Variants in METTL17 observed in about 807,000 individuals in gnomAD.
METTL17 encodes methyltransferase like 17, also known as ribosome assembly protein METTL17, mitochondrial.
METTL17 carries 49 observed loss-of-function variants against 59.4 expected under a neutral mutation model. The observed-to-expected ratio is 0.82, with a 90% CI of 0.66 to 1.05. The LOEUF (loss-of-function observed/expected upper bound fraction) is 1.05. METTL17 is among the 50% of genes least tolerant of loss of function. METTL17 has a pLI of 0.00. For synonymous variants in METTL17, 208 were observed against 209.2 expected (o/e 0.99, Z 0.05); for missense variants, 555 against 578.4 (o/e 0.96, Z 0.41).
At chr14:20,991,608 A>G (rs1205596242) in intron 3 of METTL17, 1 of 167,670 alleles carries the variant, frequency 6.0e-6, no homozygotes, top group Non-Finnish European at 1.3e-5. Flanking sequence ...TCAGCTCACC[A>G]CAACCTCTGC....
Position 20,994,039 on chromosome 14 carries a change from G to C in METTL17, c.673G>C (p.Val225Leu). 11 of 1,613,852 alleles carry C rather than the reference G, an allele frequency of 6.8e-6. No individual in the cohort carries two copies. The highest frequency in any genetic ancestry group is 8.5e-6 in the Non-Finnish European group (10 of 1,179,872). ...MCVDRSAAMLVLAEKLLKGGS... is the reference protein window; with the variant it reads ...MCVDRSAAMLLLAEKLLKGGS... The stretch of plus-strand genomic sequence containing the variant: ...TGTGGACAGATCAGCTGCCATGTTG[G>C]TTTTGGCAGAAAAACTACTGAAAGG... The change falls in exon 7 of 14, where the codon GTT becomes CTT. Residue 225 changes from valine to leucine, a missense_variant. By Grantham distance (32) the Val-to-Leu change is conservative. Transcript: ENST00000339374.
At chr14:20,995,030 G>T in intron 9 of METTL17, 129 bp downstream of exon 9, 1 of 1,135,528 alleles carries the variant, frequency 8.8e-7, no homozygotes, top group Admixed American at 1.9e-5. Flanking sequence ...CTCTTTGAGG[G>T]TCTCCATCCT....
At chr14:20,993,420 G>C (rs1880147890) in intron 6 of METTL17, 1 of 483,698 alleles carries the variant, frequency 2.1e-6, no homozygotes, top group African/African-American at 2.0e-5. Flanking sequence ...AAATTAAAAA[G>C]AAAAGGAATT....
chr14:20,995,265 C>T, intron 10 of METTL17, 32 bp downstream of exon 10: 1 of 1,556,612 alleles, frequency 6.4e-7, no homozygotes, highest in Admixed American at 1.7e-5. Flanking sequence ...CTCCCCCACC[C>T]ATATGGCACC....
Position 20,990,600 on chromosome 14 carries a change from T to C in METTL17, c.364+2T>C. 1.2e-6 allele frequency: 2 copies of C among 1,613,984 alleles called. No individual in the cohort carries two copies. Among genetic ancestry groups the C allele is most frequent in the Non-Finnish European group, 1.7e-6 (2 of 1,179,972 alleles). ...AGAAAAAATTCCTGGAAAACCCAGG[T>C]AGGACTTAAGAATAATTAAAAAGTG... On this transcript the variant is annotated splice_donor_variant, in intron 3 of 13. Coordinates refer to ENST00000339374, the MANE Select transcript of METTL17 (RefSeq NM_022734.3). LOFTEE classifies it high-confidence loss of function.
chr14:20,990,810 T>TTATG (rs1555321030), intron 3 of METTL17: 16,586 of 452,918 alleles, frequency 0.037, 511 homozygotes, highest in African/African-American at 0.11. Flanking sequence ...GTATACTGTT[T>TTATG]TTTGTTTGTT....
chr14:20,996,082 TG>T, intron 11 of METTL17, 126 bp from the exon 12 acceptor site: 1 of 1,269,598 alleles, frequency 7.9e-7, no homozygotes, highest in Non-Finnish European at 1.1e-6. Flanking sequence ...ATGATTCCCC[TG>T]GCTCTTCCTA....
rs776568711 is a variant in METTL17 at position 20,996,919 on chromosome 14, A to C, written c.*29A>C. The C allele has an allele frequency of 1.9e-6, 3 of 1,582,282 alleles. No individual in the cohort carries two copies. Among genetic ancestry groups the C allele is most frequent in the Non-Finnish European group, 2.6e-6 (3 of 1,163,106 alleles). Reference sequence around the variant, plus strand: ...GGATGTGTAACAAGTATTTTCTTCTATCGTGCCTGCCAGGGCTGAAGCTGC... The same window carrying C: ...GGATGTGTAACAAGTATTTTCTTCTCTCGTGCCTGCCAGGGCTGAAGCTGC... On this transcript the variant is annotated 3_prime_UTR_variant, in exon 14 of 14. Transcript: ENST00000339374.
chr14:20,992,028 G>C, intron 3 of METTL17, 96 bp from the exon 4 acceptor site: 1 of 1,097,830 alleles, frequency 9.1e-7, no homozygotes, highest in Non-Finnish European at 1.4e-6. Flanking sequence ...TTTCTTAGGT[G>C]GAGTCGGGGA....
rs1022070169 is a variant in METTL17, at chr14:20,992,883, C to T, written c.529-235C>T. 2.4e-5 allele frequency: 14 copies of T among 591,164 alleles called. 1 individual carries two copies. The highest frequency in any genetic ancestry group is 6.2e-5 in the Admixed American group (2 of 32,032). The allele number at this position is 591,164 out of a possible 1,614,324, so 36.6% of individuals were successfully genotyped here. A position where few individuals can be genotyped will look rare whatever the true frequency, so the allele number is the denominator to read the frequency against. ...GCCTGGTGACAGAGTGAGACCTCAT[C>T]TCTTAAAAAAAACACAAAATAAAGA... On this transcript the variant is annotated intron_variant, in intron 5 of 13. Transcript: ENST00000339374.
At position 20,994,424 on chromosome 14, in the gene METTL17, C is replaced by G. The variant is rs142107426; in HGVS notation, c.698-119C>G. ...GCACGCACCGCCATACCTGGCTCAT[C>G]CCTGCCCTTTTTGATATACACTTTA... On this transcript the variant is annotated intron_variant, in intron 7 of 13. Coordinates refer to ENST00000339374, the MANE Select transcript of METTL17 (RefSeq NM_022734.3). The G allele has an allele frequency of 2.6e-3, 2,238 of 875,962 alleles. 6 individuals are homozygous for G. The highest frequency in any genetic ancestry group is 3.3e-3 in the Middle Eastern group (10 of 3,048). The allele number at this position is 875,962 out of a possible 1,614,324, so 54.3% of individuals were successfully genotyped here. A position where few individuals can be genotyped will look rare whatever the true frequency, so the allele number is the denominator to read the frequency against.
intron 3 of METTL17, 74 bp downstream of exon 3, chr14:20,990,672 T>C: frequency 6.4e-7 from 1 of 1,560,916 alleles, no homozygotes; most frequent in Non-Finnish European, 8.7e-7. Context: ...GAAATAATTC[T>C]ACAATCTCTC....
chr14:20,995,821 C>T (rs1367529427), intron 10 of METTL17, 80 bp from the exon 11 acceptor site: 2 of 1,135,406 alleles, frequency 1.8e-6, no homozygotes, highest in African/African-American at 1.5e-5. Flanking sequence ...AAGGAGTCCT[C>T]AGTTTACTGA....
chr14:20,994,649 A>G (rs1308175346), intron 8 of METTL17, 36 bp downstream of exon 8: 2 of 1,596,810 alleles, frequency 1.3e-6, no homozygotes, highest in Non-Finnish European at 8.6e-7. Flanking sequence ...TAAATGTGGA[A>G]TGTGGCAGAT....
chr14:20,995,781 A>G (rs944237302), intron 10 of METTL17, 120 bp from the exon 11 acceptor site: 4 of 750,348 alleles, frequency 5.3e-6, no homozygotes, highest in Non-Finnish European at 9.2e-6. Flanking sequence ...TTCAAAGGAC[A>G]TAGTCAATCG....
Position 20,995,948 on chromosome 14 carries a change from C to G in METTL17, c.993C>G (p.Ala331=). 1 of 1,613,938 alleles carries G rather than the reference C, an allele frequency of 6.2e-7. No individual in the cohort carries two copies. The highest frequency in any genetic ancestry group is 8.5e-7 in the Non-Finnish European group (1 of 1,179,964). The change falls in exon 11 of 14, where the codon GCC becomes GCG. Residue 331 remains alanine, a synonymous_variant. Transcript: ENST00000339374. ...PLDPRPGFVF[A]PCPHELPCPQ... ...ACCCTCGACCTGGTTTTGTCTTTGC[C>G]CCGGTGAGTATTACTTCTGCCTGTC...
chr14:20,992,427 T>A, intron 4 of METTL17, 114 bp from the exon 5 acceptor site: 1 of 894,820 alleles, frequency 1.1e-6, no homozygotes, highest in Non-Finnish European at 1.8e-6. Flanking sequence ...TATTGGGGAG[T>A]GAAAGGCCTG....
Position 20,996,603 on chromosome 14 carries a change from C to T in METTL17, c.1157C>T (p.Pro386Leu). The change falls in exon 13 of 14, where the codon CCC (proline) becomes CTC (leucine). Residue 386 changes from proline (P) to leucine (L), a missense_variant. Coordinates refer to ENST00000339374, the MANE Select transcript of METTL17 (RefSeq NM_022734.3). The stretch of plus-strand genomic sequence containing the variant: ...TCTCCAGAGGAGGCTCATCGCTGGC[C>T]CCGTATCACTCAGCCTGTCCTTAAA... ...RGSPEEAHRW[P>L]RITQPVLKRP... The T allele has an allele frequency of 1.2e-6, 2 of 1,614,214 alleles. No homozygotes were observed. Among genetic ancestry groups the T allele is most frequent in the Non-Finnish European group, 1.7e-6 (2 of 1,180,034 alleles).
intron 3 of METTL17, among the ~76,000 whole-genome samples, chr14:20,991,292 T>G (rs1236489713): frequency 6.6e-6 from 1 of 152,136 alleles, no homozygotes; most frequent in African/African-American, 2.4e-5. Flanking sequence ...TCAAGTTAGT[T>G]TCATGATTGT....
Sources: gnomAD v4.1 joint callset for allele counts (sites outside exome capture counted in the v4.1 genomes callset) on GRCh38, gnomAD v4.1.1 for gene constraint, MANE v1.5 for transcripts, NCBI Gene and HGNC (gene_info 2026-07-23, HGNC 2026-07-21) for gene names.